Variants in GLIS1 observed in about 807,000 individuals in gnomAD.
The protein encoded by GLIS1 is GLIS family zinc finger 1, also known as zinc finger protein GLIS1.
Under a neutral mutation model 63.8 loss-of-function variants are expected in GLIS1, and 24 were observed. The observed-to-expected ratio is 0.38, with a 90% CI of 0.27 to 0.53. GLIS1 has a LOEUF of 0.53. Among genes scored for constraint, GLIS1 ranks in the 20% least tolerant of loss-of-function variants. The pLI, the probability that GLIS1 is intolerant of heterozygous loss-of-function variation, is 0.85. For missense variants in GLIS1, 1,036 were observed against 1,074.1 expected (o/e 0.96, Z 0.50); for synonymous variants, 450 against 482.5 (o/e 0.93, Z 0.88).
intron 2 of GLIS1, among the ~76,000 whole-genome samples, chr1:53,622,368 C>T (rs1027826027): frequency 2.8e-5 from 4 of 143,202 alleles, no homozygotes; most frequent in Non-Finnish European, 4.5e-5. Context: ...GCGAAGGTTG[C>T]AGTGAGCCGA....
intron 2 of GLIS1, among the ~76,000 whole-genome samples, chr1:53,607,416 C>T (rs1358048238): frequency 6.6e-6 from 1 of 152,192 alleles, no homozygotes; most frequent in Non-Finnish European, 1.5e-5. Context: ...ACAACAGGTG[C>T]TTGCCATCAC....
chr1:53,546,964 A>G (rs1411492166), intron 4 of GLIS1, among the ~76,000 whole-genome samples: 1 of 151,570 alleles, frequency 6.6e-6, no homozygotes, highest in African/African-American at 2.4e-5. Context: ...TGGAAGGCTG[A>G]CACAGAATGG....
intron 4 of GLIS1, among the ~76,000 whole-genome samples, chr1:53,566,583 A>T (rs1328395145): frequency 6.6e-6 from 1 of 152,240 alleles, no homozygotes; most frequent in African/African-American, 2.4e-5. Flanking sequence ...TGATTAAAGA[A>T]ATCAAAGAAC....
intron 2 of GLIS1, among the ~76,000 whole-genome samples, chr1:53,625,524 A>C (rs1367946959): frequency 6.6e-6 from 1 of 152,174 alleles, no homozygotes; most frequent in Non-Finnish European, 1.5e-5. Context: ...TAATTCATTC[A>C]AGTAGTCATT....
intron 2 of GLIS1, among the ~76,000 whole-genome samples, chr1:53,689,926 C>T (rs901264012): frequency 2.0e-5 from 3 of 152,236 alleles, no homozygotes; most frequent in Non-Finnish European, 4.4e-5. Context: ...CTGTGCACCT[C>T]TGGGCTACAC....
At chr1:53,706,620 C>T (rs1207108414) in intron 2 of GLIS1, among the ~76,000 whole-genome samples, 1 of 152,222 alleles carries the variant, frequency 6.6e-6, no homozygotes, top group African/African-American at 2.4e-5. Flanking sequence ...TTCAAAGGGG[C>T]TTTCATTTAT....
intron 4 of GLIS1, among the ~76,000 whole-genome samples, chr1:53,578,599 G>C (rs1463246405): frequency 6.6e-6 from 1 of 152,152 alleles, no homozygotes; most frequent in East Asian, 1.9e-4. Context: ...CACTCAAAAA[G>C]AATCCTGTAT....
At chr1:53,681,195 C>G (rs1443844063) in intron 2 of GLIS1, among the ~76,000 whole-genome samples, 1 of 152,274 alleles carries the variant, frequency 6.6e-6, no homozygotes, top group South Asian at 2.1e-4. Context: ...TTTCTGAGTT[C>G]GTGGCTGCGT....
In GLIS1 at chr1:53,511,616, C is replaced by T. The variant is rs920071810; in HGVS notation, c.1884-1589G>A. On this transcript the variant is annotated intron_variant, in intron 8 of 10. Coordinates refer to ENST00000628545, the MANE Select transcript of GLIS1 (RefSeq NM_001367484.1). The surrounding 1 kb of genome is among the most constrained non-coding windows in gnomAD (Gnocchi z 4.2). ...GTTTTAAGTTCATGAGACGAATCCTCATCACACCTCCAGGAATAAATTATC... is the reference window on the plus strand; with the variant it reads ...GTTTTAAGTTCATGAGACGAATCCTTATCACACCTCCAGGAATAAATTATC... Among the ~76,000 whole-genome samples, 2 of 152,214 alleles carry T rather than the reference C, an allele frequency of 1.3e-5. No individual in the cohort carries two copies. Among genetic ancestry groups the T allele is most frequent in the African/African-American group, 4.8e-5 (2 of 41,454 alleles).
At chr1:53,705,964 C>T (rs903208707) in intron 2 of GLIS1, among the ~76,000 whole-genome samples, 1 of 152,194 alleles carries the variant, frequency 6.6e-6, no homozygotes, top group Non-Finnish European at 1.5e-5. Flanking sequence ...ACACCTCCCA[C>T]CGAAGCAGCC....
intron 2 of GLIS1, among the ~76,000 whole-genome samples, chr1:53,724,841 T>C (rs1403596900): frequency 6.6e-6 from 1 of 152,180 alleles, no homozygotes; most frequent in Admixed American, 6.5e-5. Flanking sequence ...AGATGATTCA[T>C]TTTTAAAAAG....
intron 2 of GLIS1, among the ~76,000 whole-genome samples, chr1:53,684,489 CTG>C (rs1476971635): frequency 1.3e-5 from 2 of 152,136 alleles, no homozygotes; most frequent in Non-Finnish European, 2.9e-5. Context: ...TCACTTCACA[CTG>C]TGAGGTGAAG....
At chr1:53,569,132 G>A (rs1018172409) in intron 4 of GLIS1, among the ~76,000 whole-genome samples, 12 of 152,140 alleles carry the variant, frequency 7.9e-5, no homozygotes, top group Admixed American at 2.0e-4. Flanking sequence ...TGAAAACATC[G>A]GTGGTTGCCA....
At chr1:53,632,728 GTATATGTGTGACCGAGGGGCGTGTGTA>G (rs1645672705) in intron 2 of GLIS1, among the ~76,000 whole-genome samples, 1 of 151,098 alleles carries the variant, frequency 6.6e-6, no homozygotes. Context: ...TGAGGGGCAT[GTATATGTGTGACCGAGGGGCGTGTGTA>G]TGAGTGTGAC....
chr1:53,643,122 T>C lies in GLIS1; in HGVS notation c.260-42844A>G, dbSNP rs557880967. Among the ~76,000 whole-genome samples the C allele has an allele frequency of 1.5e-4, 23 of 152,304 alleles. 1 individual carries two copies. In the South Asian group the frequency reaches 3.7e-3, roughly 25 times the overall value. ...GAACAAACGAAACCACCAAGGTCTG[T>C]TGTGACCCAAAAGTGGAGGGCTTCA... On this transcript the variant is annotated intron_variant, in intron 2 of 10. Coordinates refer to ENST00000628545, the MANE Select transcript of GLIS1 (RefSeq NM_001367484.1).
intron 2 of GLIS1, among the ~76,000 whole-genome samples, chr1:53,734,414 G>A (rs1039789096): frequency 6.6e-6 from 1 of 152,178 alleles, no homozygotes; most frequent in East Asian, 1.9e-4. Flanking sequence ...ACGTTCAGAA[G>A]GCCTTCGTGT....
intron 4 of GLIS1, among the ~76,000 whole-genome samples, chr1:53,553,728 C>A (rs1225368761): frequency 6.6e-6 from 1 of 150,850 alleles, no homozygotes; most frequent in Non-Finnish European, 1.5e-5. Flanking sequence ...ATCAAGGATT[C>A]TCATCCTTCT....
At chr1:53,516,198 C>T (rs920963489) in intron 7 of GLIS1, among the ~76,000 whole-genome samples, 1 of 152,106 alleles carries the variant, frequency 6.6e-6, no homozygotes, top group South Asian at 2.1e-4. Flanking sequence ...CTCTGGTTAC[C>T]ATGGATCCAG....
chr1:53,668,755 G>T (rs1305128640), intron 2 of GLIS1, among the ~76,000 whole-genome samples: 1 of 152,176 alleles, frequency 6.6e-6, no homozygotes, highest in Non-Finnish European at 1.5e-5. Context: ...TAGGTTTGTA[G>T]CCAAGGAGCA....
Sources: allele counts gnomAD v4.1 joint callset (sites outside exome capture counted in the v4.1 genomes callset), GRCh38; gene constraint gnomAD v4.1.1; non-coding constraint Gnocchi (gnomAD v3.1); transcripts MANE v1.5; gene names NCBI Gene and HGNC (gene_info 2026-07-23, HGNC 2026-07-21).